CLTB: variants seen among roughly 807,000 people sequenced by gnomAD.
The protein encoded by CLTB is clathrin, light chain (Lcb).
Under a neutral mutation model 30.5 loss-of-function variants are expected in CLTB, and 10 were observed. The ratio of observed to expected loss-of-function variants is 0.33; its 90% confidence interval spans 0.20 to 0.56. The LOEUF (loss-of-function observed/expected upper bound fraction) is 0.56, where lower values mean the gene tolerates loss of function less well. Among genes scored for constraint, CLTB ranks in the 20% least tolerant of loss-of-function variants. The pLI is 0.91. For synonymous variants in CLTB, 102 were observed against 120.3 expected, an observed-to-expected ratio of 0.85 and a Z score of 1.00; for missense variants, 261 against 308.3, an observed-to-expected ratio of 0.85 and a Z score of 1.15.
chr5:176,400,782 C>T (rs1427963900), intron 2 of CLTB, among the ~76,000 whole-genome samples: 2 of 152,202 alleles, frequency 1.3e-5, no homozygotes, highest in African/African-American at 4.8e-5. Flanking sequence ...GAGTGTCTGG[C>T]ACACTCTCTG....
At chr5:176,397,781 T>A in intron 3 of CLTB, 63 bp from the exon 4 acceptor site, 1 of 1,542,816 alleles carries the variant, frequency 6.5e-7, no homozygotes, top group Non-Finnish European at 9.0e-7. Flanking sequence ...CCGGCCGCGC[T>A]CCTCCCCTGG....
chr5:176,414,400 A>G (rs1250667799), intron 1 of CLTB, among the ~76,000 whole-genome samples: 1 of 149,722 alleles, frequency 6.7e-6, no homozygotes, highest in African/African-American at 2.5e-5. Flanking sequence ...CCCACATCCT[A>G]TCTCCTGCCA....
Position 176,398,723 on chromosome 5 carries a change from CAAATAA to C in CLTB, c.235-682_235-677del, listed in dbSNP as rs1484932432. 2.6e-5 allele frequency among the ~76,000 whole-genome samples: 4 copies of C among 151,974 alleles called. No individual in the cohort carries two copies. The East Asian group carries it at 7.7e-4, about 29-fold the overall frequency. ...GCAAAACCCCGTCTCAAAAAATAAA[CAAATAA>C]AAATAAAAAATAAAAATACTGCTTG... On this transcript the variant is annotated intron_variant, in intron 2 of 5. Transcript: ENST00000310418.
rs1181349516 is a variant in CLTB, at chr5:176,397,907, C to G, written c.352+23G>C. On this transcript the variant is annotated intron_variant, in intron 3 of 5. Transcript: ENST00000310418. ...CCCCACACACAGCCCACCCAGCCAA[C>G]CCCGCCTCAGCCCCGCCCTCACCCA... is the stretch of plus-strand genomic sequence containing the variant. 4 of 1,605,084 alleles carry G rather than the reference C, an allele frequency of 2.5e-6. No individual in the cohort carries two copies. In the African/African-American group the frequency reaches 5.3e-5, roughly 21 times the overall value.
intron 2 of CLTB, among the ~76,000 whole-genome samples, chr5:176,399,818 C>T (rs189576959): frequency 3.4e-4 from 51 of 150,422 alleles, no homozygotes; most frequent in African/African-American, 1.2e-3. Context: ...GCGAAGATTG[C>T]AGTGAGCAGA....
At chr5:176,410,369 A>G in intron 1 of CLTB, 66 bp from the exon 2 acceptor site, 1 of 1,437,696 alleles carries the variant, frequency 7.0e-7, no homozygotes, top group Non-Finnish European at 9.7e-7. Context: ...AAATGGTCCT[A>G]CATTAGCCCC....
intron 1 of CLTB, among the ~76,000 whole-genome samples, chr5:176,412,013 A>G (rs1366314538): frequency 2.5e-4 from 38 of 151,910 alleles, no homozygotes; most frequent in African/African-American, 8.5e-4. Flanking sequence ...CGTCTCTACT[A>G]AAAATACAAA....
In CLTB at chr5:176,398,167, T is replaced by C. The variant is rs551352753; in HGVS notation, c.235-120A>G. 2.9e-5 allele frequency: 23 copies of C among 799,006 alleles called. No individual in the cohort carries two copies. The South Asian group carries it at 2.9e-4, about 10-fold the overall frequency. 49.5% of individuals were successfully genotyped at this position (799,006 alleles called of 1,614,324 possible). A position where few individuals can be genotyped will look rare whatever the true frequency, so the allele number is the denominator to read the frequency against. The stretch of plus-strand genomic sequence containing the variant: ...CAGCCTCAAACAACCTCATACCCAC[T>C]GTCTCTGGTGACTACACCTATCTTT... On this transcript the variant is annotated intron_variant, in intron 2 of 5. Coordinates refer to ENST00000310418, the MANE Select transcript of CLTB (RefSeq NM_007097.5).
intron 2 of CLTB, among the ~76,000 whole-genome samples, chr5:176,403,209 C>T (rs920746489): frequency 6.6e-5 from 10 of 151,986 alleles, no homozygotes; most frequent in Admixed American, 3.9e-4. Flanking sequence ...GCCACCACAC[C>T]TGGCTACTTT....
At position 176,393,739 on chromosome 5, in the gene CLTB, C is replaced by G. The variant is rs1415025957; in HGVS notation, c.519-794G>C. ...AACTGGCGGTCCTTCATCAGAAGTTCTGGTTGACAGTCACAGAAGCCACTG... is the reference window on the plus strand; with the variant it reads ...AACTGGCGGTCCTTCATCAGAAGTTGTGGTTGACAGTCACAGAAGCCACTG... On this transcript the variant is annotated intron_variant, in intron 5 of 5. Transcript: ENST00000310418. This position sits in a 1 kb window ranked among gnomAD's most constrained non-coding sequence, Gnocchi z 4.4. 6.6e-6 allele frequency among the ~76,000 whole-genome samples: 1 copy of G among 152,166 alleles called. No individual in the cohort carries two copies. Among genetic ancestry groups the G allele is most frequent in the East Asian group, 1.9e-4 (1 of 5,184 alleles).
intron 5 of CLTB, among the ~76,000 whole-genome samples, chr5:176,394,545 C>A (rs57355440): frequency 1.3e-5 from 2 of 151,904 alleles, no homozygotes; most frequent in Non-Finnish European, 2.9e-5. Context: ...TGGCCAGGCG[C>A]GGTGGCTCAT....
Position 176,416,528 on chromosome 5 carries a change from C to T in CLTB, c.-165G>A. ...ACTTCCTCTCCGCCACCGGGCCCGG[C>T]TGGCTGTCACTGCGGTGCGGGCGCC... is the stretch of plus-strand genomic sequence containing the variant. On this transcript the variant is annotated 5_prime_UTR_variant, in exon 1 of 6. Coordinates refer to ENST00000310418, the MANE Select transcript of CLTB (RefSeq NM_007097.5). The T allele has an allele frequency of 4.9e-6, 2 of 404,220 alleles. No homozygotes were observed. The highest frequency in any genetic ancestry group is 7.7e-6 in the Non-Finnish European group (2 of 261,082). The allele number at this position is 404,220 out of a possible 1,614,324, so 25.0% of individuals were successfully genotyped here.
chr5:176,408,876 G>C (rs1757274468), intron 2 of CLTB, among the ~76,000 whole-genome samples: 1 of 152,242 alleles, frequency 6.6e-6, no homozygotes, highest in African/African-American at 2.4e-5. Context: ...AAACAACCCA[G>C]TGAAAGTGAA....
At chr5:176,412,072 A>G (rs1338082254) in intron 1 of CLTB, among the ~76,000 whole-genome samples, 2 of 149,300 alleles carry the variant, frequency 1.3e-5, no homozygotes, top group South Asian at 2.1e-4. Context: ...GCCACTCGGG[A>G]GGCTGAGGCA....
chr5:176,396,430 G>GC, intron 5 of CLTB, 49 bp downstream of exon 5: 1 of 1,476,612 alleles, frequency 6.8e-7, no homozygotes, highest in South Asian at 1.1e-5. Flanking sequence ...AACTGTGGTG[G>GC]CCATTCCCTC....
chr5:176,407,746 C>T (rs1757207226), intron 2 of CLTB, among the ~76,000 whole-genome samples: 1 of 152,184 alleles, frequency 6.6e-6, no homozygotes, highest in South Asian at 2.1e-4. Flanking sequence ...CCAAGCTGCA[C>T]AGAAGCAAAT....
At position 176,393,066 on chromosome 5, in the gene CLTB, CCT is replaced by C. The variant is rs1440691629; in HGVS notation, c.519-123_519-122del. The C allele has an allele frequency of 1.0e-4, 115 of 1,148,186 alleles. No individual in the cohort carries two copies. The highest frequency in any genetic ancestry group is 1.1e-4 in the Non-Finnish European group (84 of 784,872). The allele number at this position is 1,148,186 out of a possible 1,614,324, so 71.1% of individuals were successfully genotyped here. On this transcript the variant is annotated intron_variant, in intron 5 of 5. Transcript: ENST00000310418. This position sits in a 1 kb window ranked among gnomAD's most constrained non-coding sequence, Gnocchi z 4.4. ...TGTGTCCTCCCCAGCCTTGTGCCCC[CCT>C]GACTTCAGAGGAGGGCAGCCTTGGC...
At chr5:176,403,845 C>T (rs1172392892) in intron 2 of CLTB, among the ~76,000 whole-genome samples, 2 of 152,274 alleles carry the variant, frequency 1.3e-5, no homozygotes, top group Admixed American at 1.3e-4. Context: ...CTGAAACCTC[C>T]GCCTTTCCGG....
At chr5:176,406,313 C>A in intron 2 of CLTB, 2 of 1,066,858 alleles carry the variant, frequency 1.9e-6, no homozygotes, top group Non-Finnish European at 2.3e-6. Flanking sequence ...ACAGTCAGGG[C>A]CAGGCTTGTC....
Sources: gnomAD v4.1 joint callset for allele counts (sites outside exome capture counted in the v4.1 genomes callset) on GRCh38, gnomAD v4.1.1 for gene constraint, Gnocchi (gnomAD v3.1) non-coding constraint, MANE v1.5 for transcripts, NCBI Gene and HGNC (gene_info 2026-07-23, HGNC 2026-07-21) for gene names.